Variants in LMF1 observed in about 807,000 individuals in gnomAD.
LMF1 encodes transmembrane protein 112.
LMF1 carries 68 observed loss-of-function variants against 60.6 expected under a neutral mutation model. That is an observed-to-expected ratio of 1.12 (90% CI 0.92 to 1.37). The LOEUF (loss-of-function observed/expected upper bound fraction) is 1.37, where lower values mean the gene tolerates loss of function less well. Among genes scored for constraint, LMF1 ranks in the 40% most tolerant of loss-of-function variants. The pLI is 0.00. For synonymous variants in LMF1, 418 were observed against 324.7 expected, an observed-to-expected ratio of 1.29 and a Z score of -3.09; for missense variants, 948 against 767.2, an observed-to-expected ratio of 1.24 and a Z score of -2.78.
intron 3 of LMF1, among the ~76,000 whole-genome samples, chr16:921,909 A>G (rs1468598156): frequency 6.6e-6 from 1 of 152,240 alleles, no homozygotes; most frequent in East Asian, 1.9e-4. Context: ...GAAAATTTAA[A>G]AACAAAACAT....
intron 1 of LMF1, chr16:976,568 G>A (rs1438979861): frequency 4.4e-6 from 2 of 454,006 alleles, no homozygotes; most frequent in African/African-American, 2.0e-5. Flanking sequence ...GCCTAGGGAT[G>A]TTTTGGGGCT....
chr16:927,898 C>T (rs1048585212), intron 3 of LMF1, among the ~76,000 whole-genome samples: 1 of 152,218 alleles, frequency 6.6e-6, no homozygotes, highest in Non-Finnish European at 1.5e-5. Flanking sequence ...GTCTGGGGCC[C>T]CGCACACGCA....
chr16:981,567 G>GGGCGCCTGGCCCACGTGGTGC (rs1455411531), upstream of LMF1: 3 of 152,140 alleles, frequency 2.0e-5, no homozygotes, highest in Admixed American at 2.0e-4. Context: ...TCCAGGCGTG[G>GGGCGCCTGGCCCACGTGGTGC]GGCGCCTGGC....
chr16:954,729 C>T lies in LMF1; in HGVS notation c.194-63G>A, dbSNP rs117473216. 4.7e-4 allele frequency: 693 copies of T among 1,478,514 alleles called. 13 individuals carry two copies. The East Asian group carries it at 0.013, about 27-fold the overall frequency. 91.6% of individuals were successfully genotyped at this position (1,478,514 alleles called of 1,614,324 possible). A position where few individuals can be genotyped will look rare whatever the true frequency, so the allele number is the denominator to read the frequency against. On this transcript the variant is annotated intron_variant, in intron 1 of 10. Coordinates refer to ENST00000262301, the MANE Select transcript of LMF1 (RefSeq NM_022773.4). ...ACAAACCACATGTGGACACCATGGG[C>T]GCAGCTCAGAATGCGGGGCGAGGCA...
chr16:953,386 C>T lies in LMF1; in HGVS notation c.503+971G>A, dbSNP rs371480261. Among the ~76,000 whole-genome samples the T allele has an allele frequency of 8.3e-3, 567 of 67,964 alleles. 22 individuals carry two copies. Among genetic ancestry groups the T allele is most frequent in the Admixed American group, 0.032 (232 of 7,196 alleles). 44.6% of individuals were successfully genotyped at this position (67,964 alleles called of 152,430 possible). A position where few individuals can be genotyped will look rare whatever the true frequency, so the allele number is the denominator to read the frequency against. On this transcript the variant is annotated intron_variant, in intron 2 of 10. Coordinates refer to ENST00000262301, the MANE Select transcript of LMF1 (RefSeq NM_022773.4). ...ACGGACCCCAAACCAGCCTCCTACA[C>T]GTCCACACAGACACCCACCCCAAAC...
intron 10 of LMF1, among the ~76,000 whole-genome samples, chr16:856,996 A>G (rs2069203711): frequency 2.6e-5 from 4 of 152,190 alleles, no homozygotes; most frequent in Admixed American, 2.6e-4. Context: ...TGATTTCAAG[A>G]ACGTATGATT....
chr16:960,431 C>T (rs1302810182), intron 1 of LMF1, among the ~76,000 whole-genome samples: 2 of 87,740 alleles, frequency 2.3e-5, no homozygotes, highest in Non-Finnish European at 4.5e-5. Context: ...CACGGGATCA[C>T]GACCCAGACA....
At chr16:904,499 C>T (rs1173688006) in intron 4 of LMF1, among the ~76,000 whole-genome samples, 6 of 75,106 alleles carry the variant, frequency 8.0e-5, no homozygotes, top group Non-Finnish European at 1.1e-4. Flanking sequence ...GCCCACAGGA[C>T]GCCTGTCTCT....
chr16:912,712 C>G (rs1487101312), intron 3 of LMF1, among the ~76,000 whole-genome samples: 1 of 152,218 alleles, frequency 6.6e-6, no homozygotes, highest in Non-Finnish European at 1.5e-5. Flanking sequence ...GAAGCCAGAG[C>G]CGCCTGGCTG....
intron 10 of LMF1, among the ~76,000 whole-genome samples, chr16:865,480 G>T (rs1055930911): frequency 2.6e-5 from 4 of 152,138 alleles, no homozygotes; most frequent in Non-Finnish European, 5.9e-5. Flanking sequence ...TTCCTGAGTA[G>T]CTGGGATTAC....
chr16:929,580 T>C (rs2151779957), intron 3 of LMF1, among the ~76,000 whole-genome samples: 1 of 152,284 alleles, frequency 6.6e-6, no homozygotes, highest in South Asian at 2.1e-4. Flanking sequence ...CACTCCCAGA[T>C]CCAGGCTCAC....
intron 3 of LMF1, among the ~76,000 whole-genome samples, chr16:928,439 C>T (rs1247909365): frequency 6.6e-6 from 1 of 152,194 alleles, no homozygotes; most frequent in Non-Finnish European, 1.5e-5. Context: ...CAGGCCCTGG[C>T]CTGTCCAACT....
At chr16:966,450 G>A (rs757853470) in intron 1 of LMF1, among the ~76,000 whole-genome samples, 1 of 152,204 alleles carries the variant, frequency 6.6e-6, no homozygotes, top group Non-Finnish European at 1.5e-5. Context: ...CTGCGCCGAC[G>A]CCATGGCACC....
chr16:858,996 T>C (rs1206223775), intron 10 of LMF1, among the ~76,000 whole-genome samples: 3 of 93,316 alleles, frequency 3.2e-5, no homozygotes, highest in African/African-American at 1.9e-4. Flanking sequence ...TGCAGTGGTG[T>C]CACGGGACGC....
chr16:953,106 C>T (rs1401933836), intron 2 of LMF1, among the ~76,000 whole-genome samples: 1 of 115,018 alleles, frequency 8.7e-6, no homozygotes. Flanking sequence ...TCCACACAGA[C>T]ACCCCAAACC....
chr16:976,852 GA>G (rs2073161374), intron 1 of LMF1: 1 of 454,024 alleles, frequency 2.2e-6, no homozygotes. Flanking sequence ...TTCCACATGC[GA>G]ACAGCCTGGG....
At chr16:953,446 A>G (rs1334561102) in intron 2 of LMF1, among the ~76,000 whole-genome samples, 4 of 50,836 alleles carry the variant, frequency 7.9e-5, no homozygotes, top group East Asian at 1.5e-3. Context: ...CACGGACCCC[A>G]CACCAGCCTC....
intron 1 of LMF1, among the ~76,000 whole-genome samples, chr16:966,911 A>G (rs976558353): frequency 6.6e-5 from 10 of 152,250 alleles, no homozygotes; most frequent in Non-Finnish European, 1.3e-4. Context: ...TTTCCAGATA[A>G]CACCTTAATT....
intron 2 of LMF1, chr16:947,582 G>A (rs749809144): frequency 2.9e-5 from 13 of 455,982 alleles, no homozygotes; most frequent in Non-Finnish European, 4.9e-5. Flanking sequence ...GGCAGCTCCC[G>A]CCACAGGAAG....
Sources: allele counts gnomAD v4.1 joint callset (sites outside exome capture counted in the v4.1 genomes callset), GRCh38; gene constraint gnomAD v4.1.1; transcripts MANE v1.5; gene names NCBI Gene and HGNC (gene_info 2026-07-23, HGNC 2026-07-21).